Variants in CAAP1 observed in about 807,000 individuals in gnomAD.
CAAP1 encodes the protein conserved anti-apoptotic protein.
Under a neutral mutation model 34.0 loss-of-function variants are expected in CAAP1, and 20 were observed. The observed-to-expected ratio is 0.59, with a 90% confidence interval of 0.41 to 0.86. CAAP1 has a LOEUF of 0.86. Among genes scored for constraint, CAAP1 ranks in the 40% least tolerant of loss-of-function variants. The probability of loss-of-function intolerance (pLI) is 0.00; values close to 1 mark genes in which losing one functional copy is unlikely to be tolerated. For missense variants in CAAP1, 538 were observed against 450.5 expected (o/e 1.19, Z -1.76); for synonymous variants, 213 against 166.7 (o/e 1.28, Z -2.14).
At chr9:26,890,660 A>T (rs1050485184) in intron 1 of CAAP1, among the ~76,000 whole-genome samples, 1 of 152,128 alleles carries the variant, frequency 6.6e-6, no homozygotes. Flanking sequence ...TATACATAAA[A>T]GTTGGCCGGG....
rs1823939026 is a variant in CAAP1 at position 26,892,606 on chromosome 9, C to T, written c.110G>A (p.Ser37Asn). 6.2e-7 allele frequency: 1 copy of T among 1,608,760 alleles called. No homozygotes were observed. The highest frequency in any genetic ancestry group is 1.1e-5 in the South Asian group (1 of 90,788). ...DIVPALASGS[S>N]GSTSGCGSAG... ...GCTCCCGCAGCCGCTAGTGCTTCCA[C>T]TGCTGCCGCTGGCCAACGCGGGTAC... The change falls in exon 1 of 6, where the codon AGT becomes AAT. Residue 37 changes from serine (S) to asparagine (N), a missense_variant. Ser to Asn is a conservative substitution (Grantham distance 46, BLOSUM62 1). This residue lies in a region of CAAP1 where 514 missense variants were observed against 408.4 expected (regional missense o/e 1.26). Transcript: ENST00000333916.
intron 4 of CAAP1, among the ~76,000 whole-genome samples, chr9:26,864,611 C>T (rs750317156): frequency 1.2e-4 from 18 of 152,148 alleles, no homozygotes; most frequent in Non-Finnish European, 1.8e-4. Context: ...CCCCACCCTG[C>T]GACTCCAAGA....
chr9:26,879,421 T>C (rs148412803), intron 4 of CAAP1, among the ~76,000 whole-genome samples: 191 of 152,350 alleles, frequency 1.3e-3, no homozygotes, highest in African/African-American at 4.3e-3. Context: ...TGAATAAAAA[T>C]GGAAAAACTG....
At chr9:26,862,766 T>C (rs1345850275) in intron 4 of CAAP1, among the ~76,000 whole-genome samples, 1 of 152,108 alleles carries the variant, frequency 6.6e-6, no homozygotes, top group Non-Finnish European at 1.5e-5. Context: ...GAAATACTGA[T>C]GGGGAACTGG....
intron 4 of CAAP1, among the ~76,000 whole-genome samples, chr9:26,871,676 C>T (rs1045095218): frequency 6.6e-6 from 1 of 151,820 alleles, no homozygotes; most frequent in Non-Finnish European, 1.5e-5. Context: ...ATAATCCCAG[C>T]ACTTTGGGAA....
intron 4 of CAAP1, chr9:26,880,395 A>G (rs1335404837): frequency 3.6e-6 from 1 of 278,366 alleles, no homozygotes; most frequent in African/African-American, 2.3e-5. Flanking sequence ...GAAACAACTG[A>G]TTTCATGGAG....
chr9:26,861,256 T>C (rs1822997778), intron 4 of CAAP1, 117 bp from the exon 5 acceptor site: 5 of 675,806 alleles, frequency 7.4e-6, no homozygotes, highest in African/African-American at 1.8e-5. Context: ...TCTTCTAAGC[T>C]CCCAGGGTAT....
chr9:26,843,728 C>T (rs746862373), intron 5 of CAAP1, among the ~76,000 whole-genome samples: 2 of 151,880 alleles, frequency 1.3e-5, no homozygotes, highest in Non-Finnish European at 2.9e-5. Context: ...ATTCTGATAA[C>T]AGACTGTACA....
At chr9:26,889,374 C>T (rs1460057644) in intron 1 of CAAP1, among the ~76,000 whole-genome samples, 5 of 151,820 alleles carry the variant, frequency 3.3e-5, no homozygotes, top group Non-Finnish European at 7.4e-5. Context: ...GCCGAGATGG[C>T]GCCATTGCAC....
At chr9:26,854,051 G>T (rs1272197044) in intron 5 of CAAP1, among the ~76,000 whole-genome samples, 1 of 152,098 alleles carries the variant, frequency 6.6e-6, no homozygotes, top group South Asian at 2.1e-4. Context: ...TACAAGTTAC[G>T]TAAAGGCATA....
intron 4 of CAAP1, among the ~76,000 whole-genome samples, chr9:26,877,208 T>A (rs942096757): frequency 2.0e-5 from 3 of 152,192 alleles, no homozygotes; most frequent in Non-Finnish European, 4.4e-5. Flanking sequence ...TATCAAGATG[T>A]ATATGAAACA....
intron 5 of CAAP1, among the ~76,000 whole-genome samples, chr9:26,844,548 G>A (rs889955356): frequency 2.6e-5 from 4 of 152,136 alleles, no homozygotes; most frequent in South Asian, 2.1e-4. Flanking sequence ...GGGTTGTTGC[G>A]AGATAATGAA....
At chr9:26,880,084 G>C in intron 4 of CAAP1, 1 of 122,930 alleles carries the variant, frequency 8.1e-6, no homozygotes, top group South Asian at 1.1e-4. Flanking sequence ...CCAATAATAG[G>C]AAAAAAATCC....
intron 5 of CAAP1, among the ~76,000 whole-genome samples, chr9:26,858,307 G>C (rs1285673073): frequency 6.6e-6 from 1 of 152,128 alleles, no homozygotes; most frequent in Non-Finnish European, 1.5e-5. Context: ...AATCTTTATT[G>C]AGCCTATCAG....
At position 26,842,163 on chromosome 9, in the gene CAAP1, G is replaced by A. The variant is rs1822496287; in HGVS notation, c.*138C>T. ...AAAAAAATAAAAAGAAACAGCCACA[G>A]GTAATTTAGGGCTAAAATGAGTCCT... On this transcript the variant is annotated 3_prime_UTR_variant, in exon 6 of 6. Coordinates refer to ENST00000333916, the MANE Select transcript of CAAP1 (RefSeq NM_024828.4). 1 of 615,382 alleles carries A rather than the reference G, an allele frequency of 1.6e-6. No homozygotes were observed. The highest frequency in any genetic ancestry group is 3.6e-5 in the Admixed American group (1 of 28,164). 38.1% of individuals were successfully genotyped at this position (615,382 alleles called of 1,614,324 possible).
chr9:26,849,133 T>C (rs1822684616), intron 5 of CAAP1, among the ~76,000 whole-genome samples: 1 of 152,170 alleles, frequency 6.6e-6, no homozygotes, highest in Non-Finnish European at 1.5e-5. Flanking sequence ...TAGACGACAG[T>C]GTAATACAAC....
intron 4 of CAAP1, among the ~76,000 whole-genome samples, chr9:26,879,623 G>A (rs1335498778): frequency 6.6e-6 from 1 of 152,184 alleles, no homozygotes; most frequent in Non-Finnish European, 1.5e-5. Flanking sequence ...ATCCTCAATC[G>A]GTGGGCACCA....
chr9:26,857,742 C>T (rs1587097567), intron 5 of CAAP1, among the ~76,000 whole-genome samples: 1 of 152,168 alleles, frequency 6.6e-6, no homozygotes, highest in Admixed American at 6.5e-5. Context: ...AACATTTTCA[C>T]TGTAAAGGTA....
At chr9:26,870,431 T>A (rs1350453870) in intron 4 of CAAP1, among the ~76,000 whole-genome samples, 1 of 151,554 alleles carries the variant, frequency 6.6e-6, no homozygotes, top group Non-Finnish European at 1.5e-5. Flanking sequence ...AAGTAACTGG[T>A]ACATAACAAT....
Sources: allele counts gnomAD v4.1 joint callset (sites outside exome capture counted in the v4.1 genomes callset), GRCh38; gene constraint gnomAD v4.1.1; regional missense constraint gnomAD v4.1.1; transcripts MANE v1.5; gene names NCBI Gene and HGNC (gene_info 2026-07-23, HGNC 2026-07-21).